Variants in CHLSN observed in about 807,000 individuals in gnomAD.
CHLSN encodes the protein protein cholesin.
the CHLSN span, among the ~76,000 whole-genome samples, chr7:1,014,329 C>T: frequency 1.1e-4 from 16 of 152,222 alleles, no homozygotes; most frequent in African/African-American, 3.6e-4. Context: ...ATGCCTTTAA[C>T]TCCTGGCAAG....
the CHLSN span, among the ~76,000 whole-genome samples, chr7:1,021,086 G>C: frequency 6.6e-6 from 1 of 151,636 alleles, no homozygotes; most frequent in Non-Finnish European, 1.5e-5. Context: ...GGCACCTCCA[G>C]GCTGGGGACC....
chr7:1,083,688 C>G, the CHLSN span, among the ~76,000 whole-genome samples: 1 of 152,010 alleles, frequency 6.6e-6, no homozygotes. Context: ...ACGACGGGAG[C>G]ACCTGAGCTT....
chr7:1,013,456 C>T, the CHLSN span, among the ~76,000 whole-genome samples: 3,694 of 152,248 alleles, frequency 0.024, 147 homozygotes, highest in African/African-American at 0.083. Flanking sequence ...CAAAGCCTGG[C>T]GCAGCAGCCA....
the CHLSN span, among the ~76,000 whole-genome samples, chr7:1,005,205 C>G: frequency 3.3e-5 from 5 of 152,158 alleles, no homozygotes; most frequent in Admixed American, 6.5e-5. Flanking sequence ...GCAGGAGAAT[C>G]GCTTGAACCT....
chr7:1,038,994 G>A, the CHLSN span, among the ~76,000 whole-genome samples: 9 of 71,834 alleles, frequency 1.3e-4, no homozygotes, highest in Admixed American at 7.3e-4. Context: ...CAGCCGCCCC[G>A]TCCGGGAGGG....
chr7:1,092,480 G>C, the CHLSN span: 1 of 1,607,588 alleles, frequency 6.2e-7, no homozygotes, highest in South Asian at 1.1e-5. Flanking sequence ...CGTGGGCTGC[G>C]GCCCCGGCGG....
the CHLSN span, among the ~76,000 whole-genome samples, chr7:1,046,584 C>T: frequency 9.2e-5 from 14 of 152,270 alleles, no homozygotes; most frequent in African/African-American, 3.4e-4. Context: ...AATAACGTTT[C>T]GCTCCAATTT....
At chr7:1,010,602 A>T in the CHLSN span, among the ~76,000 whole-genome samples, 7 of 152,156 alleles carry the variant, frequency 4.6e-5, no homozygotes, top group African/African-American at 1.7e-4. Flanking sequence ...GCTTTCTGGC[A>T]GGTCACTGGC....
chr7:1,018,542 T>C, the CHLSN span, among the ~76,000 whole-genome samples: 2 of 151,216 alleles, frequency 1.3e-5, no homozygotes, highest in Admixed American at 1.3e-4. Context: ...TCCTGCCCAG[T>C]GGGAGCAGGC....
chr7:1,112,749 G>T, the CHLSN span, among the ~76,000 whole-genome samples: 5 of 151,458 alleles, frequency 3.3e-5, no homozygotes, highest in Non-Finnish European at 5.9e-5. Flanking sequence ...CCATGTGCCA[G>T]TGAGGGTGCG....
chr7:1,073,825 C>G, the CHLSN span, among the ~76,000 whole-genome samples: 1 of 86,980 alleles, frequency 1.1e-5, no homozygotes, highest in African/African-American at 4.9e-5. Flanking sequence ...CCCCGACACC[C>G]TGCTGCCGTG....
the CHLSN span, among the ~76,000 whole-genome samples, chr7:1,046,906 C>G: frequency 1.3e-5 from 2 of 152,242 alleles, no homozygotes; most frequent in African/African-American, 4.8e-5. Context: ...GTGATAAGAT[C>G]TGCGGCTCAG....
chr7:1,081,883 C>G, the CHLSN span: 11 of 152,504 alleles, frequency 7.2e-5, no homozygotes, highest in East Asian at 2.1e-3. Flanking sequence ...ACCTCAGCTC[C>G]AGACTCCGTT....
At chr7:1,092,985 CG>C in the CHLSN span, 2 of 883,802 alleles carry the variant, frequency 2.3e-6, no homozygotes, top group Non-Finnish European at 3.7e-6. Flanking sequence ...CTCGGGGCCT[CG>C]CGAGGGTCAC....
chr7:1,007,515 G>A, the CHLSN span, among the ~76,000 whole-genome samples: 27 of 152,198 alleles, frequency 1.8e-4, no homozygotes, highest in African/African-American at 5.5e-4. Context: ...ACACATCCAC[G>A]TGGGCTCTGA....
At chr7:1,091,856 C>G in the CHLSN span, 1 of 1,612,858 alleles carries the variant, frequency 6.2e-7, no homozygotes, top group South Asian at 1.1e-5. Flanking sequence ...ACCGCCCTGG[C>G]CAATGGGACA....
At chr7:1,036,473 G>A in the CHLSN span, among the ~76,000 whole-genome samples, 37 of 151,200 alleles carry the variant, frequency 2.4e-4, no homozygotes, top group Non-Finnish European at 4.6e-4. Flanking sequence ...TGTAGGGTTC[G>A]GGTGCTCGTG....
the CHLSN span, among the ~76,000 whole-genome samples, chr7:1,120,990 G>C: frequency 2.6e-5 from 4 of 151,486 alleles, no homozygotes; most frequent in Non-Finnish European, 4.4e-5. Flanking sequence ...CTATTACTCA[G>C]CCCCAAAAAC....
the CHLSN span, among the ~76,000 whole-genome samples, chr7:1,133,743 C>T: frequency 8.1e-6 from 1 of 122,710 alleles, no homozygotes. Flanking sequence ...GAGAATGAGA[C>T]TCCATCTCAA....
Sources: allele counts gnomAD v4.1 joint callset (sites outside exome capture counted in the v4.1 genomes callset), GRCh38; gene constraint gnomAD v4.1.1; transcripts MANE v1.5; gene names NCBI Gene and HGNC (gene_info 2026-07-23, HGNC 2026-07-21).